The following MAN1A2 variants were observed in gnomAD, a reference collection of about 807,000 sequenced individuals.
The protein encoded by MAN1A2 is mannosyl-oligosaccharide 1,2-alpha-mannosidase IB.
Under a neutral mutation model 75.7 loss-of-function variants are expected in MAN1A2, and 26 were observed. The observed-to-expected ratio is 0.34, with a 90% CI of 0.25 to 0.48. The LOEUF is 0.48. Among genes scored for constraint, MAN1A2 ranks in the 20% least tolerant of loss-of-function variants. The pLI is 0.99. For synonymous variants in MAN1A2, 247 were observed against 264.6 expected, an observed-to-expected ratio of 0.93 and a Z score of 0.65; for missense variants, 562 against 775.5, an observed-to-expected ratio of 0.72 and a Z score of 3.27.
At chr1:117,425,345 A>G (rs1648330217) in intron 5 of MAN1A2, among the ~76,000 whole-genome samples, 1 of 152,252 alleles carries the variant, frequency 6.6e-6, no homozygotes, top group Admixed American at 6.5e-5. Context: ...TTTTCAGCTC[A>G]TTCTATGAGG....
chr1:117,429,674 A>C (rs1195238238), intron 5 of MAN1A2, among the ~76,000 whole-genome samples: 1 of 86,278 alleles, frequency 1.2e-5, no homozygotes, highest in Non-Finnish European at 2.3e-5. Context: ...GGCGCCCCTC[A>C]CCTCCTGGAC....
chr1:117,481,720 A>G (rs897968290), intron 8 of MAN1A2, among the ~76,000 whole-genome samples: 1 of 151,956 alleles, frequency 6.6e-6, no homozygotes, highest in African/African-American at 2.4e-5. Context: ...TGCTTTTTAC[A>G]TAGCAGTGAT....
At chr1:117,429,981 G>T (rs1570737263) in intron 5 of MAN1A2, among the ~76,000 whole-genome samples, 3 of 66,858 alleles carry the variant, frequency 4.5e-5, no homozygotes, top group African/African-American at 1.3e-4. Flanking sequence ...CCGGGCGGAG[G>T]GCTGACCCCC....
At chr1:117,407,560 AC>A (rs993438522) in intron 3 of MAN1A2, among the ~76,000 whole-genome samples, 2 of 152,098 alleles carry the variant, frequency 1.3e-5, no homozygotes, top group Non-Finnish European at 2.9e-5. Context: ...TTAACTTAAA[AC>A]ACTCTTTTTG....
At chr1:117,444,355 G>C (rs796256150) in intron 6 of MAN1A2, among the ~76,000 whole-genome samples, 7 of 149,846 alleles carry the variant, frequency 4.7e-5, no homozygotes, top group African/African-American at 1.7e-4. Context: ...CTTGGAAAAT[G>C]GTTCTCAAGA....
chr1:117,520,702 C>T (rs1173534838), intron 12 of MAN1A2, among the ~76,000 whole-genome samples: 3 of 152,020 alleles, frequency 2.0e-5, no homozygotes, highest in Non-Finnish European at 2.9e-5. Flanking sequence ...ATCCCATGCT[C>T]ATGAATGGGT....
At chr1:117,445,878 G>GTA (rs1282102509) in intron 6 of MAN1A2, among the ~76,000 whole-genome samples, 6 of 99,380 alleles carry the variant, frequency 6.0e-5, no homozygotes, top group Non-Finnish European at 2.1e-5. Flanking sequence ...GTGTGTCTGT[G>GTA]TGTGTGTATA....
chr1:117,482,909 T>G (rs1367912994), intron 8 of MAN1A2, among the ~76,000 whole-genome samples: 1 of 152,178 alleles, frequency 6.6e-6, no homozygotes, highest in Non-Finnish European at 1.5e-5. Context: ...CTTGAATTAA[T>G]TTTTGTATGA....
chr1:117,497,429 G>GTT (rs1651065247), intron 10 of MAN1A2, among the ~76,000 whole-genome samples: 1 of 151,930 alleles, frequency 6.6e-6, no homozygotes, highest in Admixed American at 6.6e-5. Flanking sequence ...CTAACTAGTA[G>GTT]TTTTTCAATT....
chr1:117,447,226 A>AT (rs1649264877), intron 6 of MAN1A2, among the ~76,000 whole-genome samples: 1 of 152,116 alleles, frequency 6.6e-6, no homozygotes, highest in Non-Finnish European at 1.5e-5. Context: ...CAATATTGAC[A>AT]TTTTACATCA....
intron 9 of MAN1A2, among the ~76,000 whole-genome samples, chr1:117,495,677 A>T (rs2101875862): frequency 6.6e-6 from 1 of 151,998 alleles, no homozygotes; most frequent in South Asian, 2.1e-4. Context: ...TACAATGAAC[A>T]GAAATGACAA....
intron 4 of MAN1A2, among the ~76,000 whole-genome samples, chr1:117,417,585 A>G (rs972460218): frequency 3.5e-5 from 4 of 114,904 alleles, no homozygotes; most frequent in Non-Finnish European, 7.2e-5. Context: ...ATAAAAATAC[A>G]TTAAAACTGA....
In MAN1A2 at chr1:117,405,890, CT is replaced by C. The variant is rs532661697; in HGVS notation, c.655+253del. On this transcript the variant is annotated intron_variant, in intron 3 of 12. Coordinates refer to ENST00000356554, the MANE Select transcript of MAN1A2 (RefSeq NM_006699.5). ...AGTCATTTATCTGAGTATTTAAAAG[CT>C]TTTTTTTGGCATTTTTTTCTTTAGT... Among the ~76,000 whole-genome samples the C allele has an allele frequency of 7.3e-4, 111 of 151,718 alleles. 1 individual carries two copies. The highest frequency in any genetic ancestry group is 2.6e-3 in the African/African-American group (108 of 41,406).
At chr1:117,408,614 T>A (rs1647698466) in intron 3 of MAN1A2, among the ~76,000 whole-genome samples, 1 of 152,134 alleles carries the variant, frequency 6.6e-6, no homozygotes, top group South Asian at 2.1e-4. Flanking sequence ...TCTTGTATTA[T>A]CTTTGTCTTG....
intron 7 of MAN1A2, among the ~76,000 whole-genome samples, 169 bp from the exon 8 acceptor site, chr1:117,466,165 A>G (rs1452375193): frequency 6.6e-6 from 1 of 152,098 alleles, no homozygotes; most frequent in African/African-American, 2.4e-5. Context: ...AAAATGAGTC[A>G]TTTAAGAAAT....
At chr1:117,466,480 C>A in intron 8 of MAN1A2, 53 bp downstream of exon 8, 1 of 1,218,088 alleles carries the variant, frequency 8.2e-7, no homozygotes, top group Admixed American at 2.4e-5. Context: ...TGTCTGAAAA[C>A]TCTTTGCTTG....
chr1:117,526,870 C>CTA lies in MAN1A2; in HGVS notation c.*3914_*3915insAT, dbSNP rs1652036786. The CTA allele has an allele frequency of 1.1e-5, 1 of 90,166 alleles. No homozygotes were observed. The highest frequency in any genetic ancestry group is 2.3e-5 in the Non-Finnish European group (1 of 43,162). The allele number at this position is 90,166 out of a possible 1,614,324, so 5.6% of individuals were successfully genotyped here. ...TCTCTCTCTCTCTCTCTCTCTCTCT[C>CTA]TCTCTCTCTCTATATATATATATAT... On this transcript the variant is annotated 3_prime_UTR_variant, in exon 13 of 13. Transcript: ENST00000356554.
intron 6 of MAN1A2, among the ~76,000 whole-genome samples, chr1:117,454,320 A>G (rs1354331093): frequency 6.6e-6 from 1 of 152,214 alleles, no homozygotes; most frequent in Non-Finnish European, 1.5e-5. Flanking sequence ...CAGCAGGATA[A>G]ATATAAAGAA....
chr1:117,458,337 T>A (rs1020991613), intron 6 of MAN1A2, among the ~76,000 whole-genome samples: 1 of 151,592 alleles, frequency 6.6e-6, no homozygotes, highest in Non-Finnish European at 1.5e-5. Flanking sequence ...GCCTTCCATA[T>A]TTTCAGACAG....
Sources: allele counts gnomAD v4.1 joint callset (sites outside exome capture counted in the v4.1 genomes callset), GRCh38; gene constraint gnomAD v4.1.1; transcripts MANE v1.5; gene names NCBI Gene and HGNC (gene_info 2026-07-23, HGNC 2026-07-21).